PACS1: variants seen among roughly 807,000 people sequenced by gnomAD.
PACS1 encodes the protein PACS-1.
A neutral mutation model predicts 115.0 loss-of-function variants in PACS1; 24 were observed. The observed-to-expected ratio is 0.21, with a 90% CI of 0.15 to 0.29. The LOEUF (loss-of-function observed/expected upper bound fraction) is 0.29. Among genes scored for constraint, PACS1 ranks in the 10% least tolerant of loss-of-function variants. PACS1 has a pLI of 1.00. For missense variants in PACS1, 838 were observed against 1,251.2 expected, an observed-to-expected ratio of 0.67 and a Z score of 4.98; for synonymous variants, 453 against 504.5, an observed-to-expected ratio of 0.90 and a Z score of 1.37.
At chr11:66,221,016 C>A (rs1485588753) in intron 9 of PACS1, 138 bp from the exon 10 acceptor site, 2 of 912,478 alleles carry the variant, frequency 2.2e-6, no homozygotes, top group Non-Finnish European at 3.6e-6. Flanking sequence ...TCCTCTTCAC[C>A]CTGCACTTCC....
At chr11:66,242,675 A>C (rs1855838375) in intron 22 of PACS1, among the ~76,000 whole-genome samples, 1 of 152,204 alleles carries the variant, frequency 6.6e-6, no homozygotes, top group Admixed American at 6.5e-5. Flanking sequence ...TTCACTGAAC[A>C]GGCGAAGATA....
intron 1 of PACS1, among the ~76,000 whole-genome samples, chr11:66,099,118 A>G (rs1165891339): frequency 2.0e-5 from 3 of 152,098 alleles, no homozygotes; most frequent in Non-Finnish European, 4.4e-5. Flanking sequence ...ATCTCAGCTC[A>G]CTGCAACCTC....
intron 1 of PACS1, among the ~76,000 whole-genome samples, chr11:66,187,759 G>A (rs757132313): frequency 4.6e-5 from 7 of 152,090 alleles, no homozygotes; most frequent in Admixed American, 3.3e-4. Flanking sequence ...AACGGTGCTC[G>A]GTAAACATGG....
At chr11:66,075,738 C>CT (rs756089252) in intron 1 of PACS1, among the ~76,000 whole-genome samples, 1,727 of 134,092 alleles carry the variant, frequency 0.013, 21 homozygotes, top group Middle Eastern at 0.031. Context: ...ATTAAAAGTC[C>CT]TTTTTTTTTT....
rs63706762 is a variant in PACS1 at position 66,137,033 on chromosome 11, C to G, written c.357-56453C>G. Among the ~76,000 whole-genome samples, 770 of 146,196 alleles carry G rather than the reference C, an allele frequency of 5.3e-3. 4 individuals carry two copies. The highest frequency in any genetic ancestry group is 0.014 in the Middle Eastern group (4 of 292). On this transcript the variant is annotated intron_variant, in intron 1 of 23. Coordinates refer to ENST00000320580, the MANE Select transcript of PACS1 (RefSeq NM_018026.4). ...ATGAGTCACAAATTGCCCCCCCCCC[C>G]ACCATTTCGTCATTTGTCTCCAAGC...
intron 1 of PACS1, among the ~76,000 whole-genome samples, chr11:66,185,281 C>A (rs539690118): frequency 3.2e-4 from 49 of 152,214 alleles, no homozygotes; most frequent in African/African-American, 1.1e-3. Context: ...TTTCAGAATG[C>A]CTATGTAGAG....
chr11:66,071,879 T>C (rs1345454141), intron 1 of PACS1, among the ~76,000 whole-genome samples: 1 of 152,150 alleles, frequency 6.6e-6, no homozygotes, highest in Non-Finnish European at 1.5e-5. Context: ...TGGATAATAT[T>C]GTTTTATATA....
chr11:66,108,051 C>T (rs1858092125), intron 1 of PACS1, among the ~76,000 whole-genome samples: 1 of 152,168 alleles, frequency 6.6e-6, no homozygotes, highest in Non-Finnish European at 1.5e-5. Flanking sequence ...GCCAAGAGAA[C>T]CCAGCAAGGC....
intron 2 of PACS1, among the ~76,000 whole-genome samples, chr11:66,200,437 TA>T (rs1854760117): frequency 6.9e-6 from 1 of 144,552 alleles, no homozygotes; most frequent in South Asian, 2.2e-4. Flanking sequence ...AGACTAAAAA[TA>T]AAGGGTTGGA....
At chr11:66,123,773 A>G (rs1590760396) in intron 1 of PACS1, among the ~76,000 whole-genome samples, 1 of 150,852 alleles carries the variant, frequency 6.6e-6, no homozygotes, top group African/African-American at 2.4e-5. Context: ...CACCCACCTC[A>G]GCCTCCCAAA....
intron 1 of PACS1, among the ~76,000 whole-genome samples, chr11:66,072,878 C>T (rs1476653877): frequency 1.3e-5 from 2 of 152,200 alleles, no homozygotes; most frequent in Non-Finnish European, 2.9e-5. Flanking sequence ...AGCAGAGGGG[C>T]GTGAATGAAA....
intron 1 of PACS1, among the ~76,000 whole-genome samples, chr11:66,086,358 T>C (rs1857569123): frequency 6.6e-6 from 1 of 152,110 alleles, no homozygotes; most frequent in Non-Finnish European, 1.5e-5. Flanking sequence ...CAGGATGGTC[T>C]CGATCTCCTG....
chr11:66,201,847 C>T (rs181475023), intron 2 of PACS1, among the ~76,000 whole-genome samples: 27 of 151,928 alleles, frequency 1.8e-4, no homozygotes, highest in Non-Finnish European at 3.1e-4. Flanking sequence ...TTAGTAGAGA[C>T]GAGGTTTCAC....
intron 2 of PACS1, among the ~76,000 whole-genome samples, chr11:66,208,747 G>A (rs1016927428): frequency 2.0e-5 from 3 of 151,450 alleles, no homozygotes; most frequent in African/African-American, 7.3e-5. Flanking sequence ...TGGGATCAAG[G>A]GAGAAAAAAG....
intron 2 of PACS1, among the ~76,000 whole-genome samples, chr11:66,195,085 G>A (rs1196964129): frequency 2.0e-5 from 3 of 152,050 alleles, no homozygotes; most frequent in Non-Finnish European, 2.9e-5. Flanking sequence ...TTAGCCAGGC[G>A]TGCATGTAGT....
In PACS1 at chr11:66,208,237, T is replaced by C. The variant is rs751228783; in HGVS notation, c.445-2125T>C. ...TCCCCTAAGGGTCAGCACCGCGGCA[T>C]AGTACCATTTCAACAGAAACAGCTC... On this transcript the variant is annotated intron_variant, in intron 2 of 23. Coordinates refer to ENST00000320580, the MANE Select transcript of PACS1 (RefSeq NM_018026.4). Among the ~76,000 whole-genome samples the C allele has an allele frequency of 4.5e-4, 68 of 152,148 alleles. 1 individual carries two copies. Among genetic ancestry groups the C allele is most frequent in the Non-Finnish European group, 8.8e-4 (60 of 68,022 alleles).
chr11:66,073,825 C>G lies in PACS1; in HGVS notation c.356+2983C>G, dbSNP rs138400769. Among the ~76,000 whole-genome samples, 6 of 151,440 alleles carry G rather than the reference C, an allele frequency of 4.0e-5. 1 individual carries two copies. Among genetic ancestry groups the G allele is most frequent in the East Asian group, 1.9e-4 (1 of 5,158 alleles). ...CTACAGTGTAGTGGCACAGTCATAGCTCACTGCAGCCTCCAACTCCTGGGC... is the reference window on the plus strand; with the variant it reads ...CTACAGTGTAGTGGCACAGTCATAGGTCACTGCAGCCTCCAACTCCTGGGC... On this transcript the variant is annotated intron_variant, in intron 1 of 23. Transcript: ENST00000320580.
chr11:66,187,253 T>C (rs1048649594), intron 1 of PACS1, among the ~76,000 whole-genome samples: 1 of 152,176 alleles, frequency 6.6e-6, no homozygotes, highest in Non-Finnish European at 1.5e-5. Context: ...ATACATGCAA[T>C]GTATGATGAA....
intron 1 of PACS1, among the ~76,000 whole-genome samples, chr11:66,151,170 A>G (rs1859227859): frequency 6.6e-6 from 1 of 151,882 alleles, no homozygotes; most frequent in Non-Finnish European, 1.5e-5. Context: ...AACAAAAATA[A>G]AAACCAGCCA....
Sources: gnomAD v4.1 joint callset for allele counts (sites outside exome capture counted in the v4.1 genomes callset) on GRCh38, gnomAD v4.1.1 for gene constraint, MANE v1.5 for transcripts, NCBI Gene and HGNC (gene_info 2026-07-23, HGNC 2026-07-21) for gene names.